TMTC1: variants seen among roughly 807,000 people sequenced by gnomAD.
The protein encoded by TMTC1 is protein O-mannosyl-transferase TMTC1.
Under a neutral mutation model 104.8 loss-of-function variants are expected in TMTC1, and 73 were observed. The observed-to-expected ratio is 0.70, with a 90% CI of 0.58 to 0.85. The LOEUF is 0.85. Among genes scored for constraint, TMTC1 ranks in the 40% least tolerant of loss-of-function variants. TMTC1 has a pLI of 0.00. For synonymous variants in TMTC1, 434 were observed against 428.7 expected (o/e 1.01, Z -0.15); for missense variants, 1,035 against 1,096.1 (o/e 0.94, Z 0.79).
At chr12:29,601,831 A>G (rs1312134750) in intron 7 of TMTC1, among the ~76,000 whole-genome samples, 2 of 151,454 alleles carry the variant, frequency 1.3e-5, no homozygotes, top group Admixed American at 6.6e-5. Flanking sequence ...TTTATATATA[A>G]TCATCTCTTT....
At chr12:29,590,561 C>T (rs752771588) in intron 7 of TMTC1, among the ~76,000 whole-genome samples, 1 of 152,116 alleles carries the variant, frequency 6.6e-6, no homozygotes, top group Non-Finnish European at 1.5e-5. Flanking sequence ...CCAAGGCGGG[C>T]AGATCAGGAG....
intron 6 of TMTC1, among the ~76,000 whole-genome samples, chr12:29,628,333 A>G (rs1438009756): frequency 1.3e-5 from 2 of 152,274 alleles, no homozygotes; most frequent in Non-Finnish European, 2.9e-5. Context: ...CATCAAGAAT[A>G]TGGTGTTAAG....
intron 9 of TMTC1, among the ~76,000 whole-genome samples, chr12:29,570,842 T>C (rs566265214): frequency 1.4e-5 from 2 of 143,616 alleles, no homozygotes; most frequent in Non-Finnish European, 3.0e-5. Flanking sequence ...AGAGACTCCG[T>C]CTCAAAACAA....
intron 7 of TMTC1, among the ~76,000 whole-genome samples, chr12:29,599,987 T>TGTATAC (rs1946516080): frequency 4.6e-5 from 5 of 109,796 alleles, no homozygotes; most frequent in African/African-American, 2.0e-4. Context: ...TGTGTGTGTG[T>TGTATAC]ATATACATAT....
rs1234703869 is a variant in TMTC1 at position 29,624,142 on chromosome 12, G to A, written c.1128+9005C>T. Among the ~76,000 whole-genome samples the A allele has an allele frequency of 3.9e-5, 6 of 151,944 alleles. No homozygotes were observed. In the East Asian group the frequency reaches 9.8e-4, roughly 25 times the overall value. ...TTACATGCACCCACCATCACGCCCA[G>A]CTACTTTTTATATTTTTAGTAAAGA... On this transcript the variant is annotated intron_variant, in intron 6 of 17. Transcript: ENST00000539277.
intron 5 of TMTC1, among the ~76,000 whole-genome samples, chr12:29,743,235 G>A (rs946921669): frequency 6.6e-6 from 1 of 152,182 alleles, no homozygotes; most frequent in African/African-American, 2.4e-5. Flanking sequence ...GGCAGAATTG[G>A]AGCCCAGGCA....
intron 5 of TMTC1, among the ~76,000 whole-genome samples, chr12:29,751,420 C>T (rs911206749): frequency 3.3e-5 from 5 of 152,164 alleles, no homozygotes; most frequent in Non-Finnish European, 5.9e-5. Flanking sequence ...CAGGGACCCA[C>T]ACCCCATCAC....
intron 5 of TMTC1, among the ~76,000 whole-genome samples, chr12:29,725,508 A>C (rs1305132129): frequency 2.0e-5 from 3 of 152,102 alleles, no homozygotes; most frequent in Admixed American, 2.0e-4. Flanking sequence ...CCTGCCAAGT[A>C]CTTAATGTGG....
intron 8 of TMTC1, 86 bp from the exon 9 acceptor site, chr12:29,572,304 C>A: frequency 1.7e-6 from 2 of 1,157,590 alleles, no homozygotes; most frequent in South Asian, 2.7e-5. Context: ...TTTCATGAAC[C>A]TGTATTTGAA....
Position 29,701,282 on chromosome 12 carries a change from G to T in TMTC1, c.938+50384C>A, listed in dbSNP as rs1288873488. On this transcript the variant is annotated intron_variant, in intron 5 of 17. Coordinates refer to ENST00000539277, the MANE Select transcript of TMTC1 (RefSeq NM_001193451.2). ...TGCTGCGGGAGTAAGATTGACTTTTGGCCCCAGCTCCTGCATCCTCGAAGT... is the reference window on the plus strand; with the variant it reads ...TGCTGCGGGAGTAAGATTGACTTTTTGCCCCAGCTCCTGCATCCTCGAAGT... Among the ~76,000 whole-genome samples, 5 of 152,190 alleles carry T rather than the reference G, an allele frequency of 3.3e-5. No homozygotes were observed. The Middle Eastern group carries it at 0.01, about 311-fold the overall frequency.
intron 5 of TMTC1, among the ~76,000 whole-genome samples, chr12:29,664,003 CG>C (rs1237326138): frequency 7.3e-5 from 11 of 151,430 alleles, no homozygotes; most frequent in African/African-American, 2.7e-4. Context: ...CCGGCTAAAA[CG>C]GTGAAACCCC....
chr12:29,536,222 A>T lies in TMTC1; in HGVS notation c.1772T>A (p.Leu591Ter). 6.2e-7 allele frequency: 1 copy of T among 1,608,008 alleles called. No homozygotes were observed. The highest frequency in any genetic ancestry group is 8.5e-7 in the Non-Finnish European group (1 of 1,174,890). Residue 591 changes from leucine (L) to a stop codon, truncating the protein, a stop_gained, in exon 11 of 18, where the codon TTA (leucine) becomes TAA (stop). Transcript: ENST00000539277. LOFTEE classifies it high-confidence loss of function. ...TGAAACAATTACCTGCTCAGCCAATAACGAAGCTAAGCTTGAATATGCATC... is the reference window on the plus strand; with the variant it reads ...TGAAACAATTACCTGCTCAGCCAATTACGAAGCTAAGCTTGAATATGCATC... The part of the protein sequence containing the change: ...FADAYSSLAS[L>*]LAEQERFKEA...
chr12:29,626,243 A>G (rs1460281841), intron 6 of TMTC1, among the ~76,000 whole-genome samples: 1 of 152,224 alleles, frequency 6.6e-6, no homozygotes, highest in African/African-American at 2.4e-5. Flanking sequence ...TCTGGTTGGC[A>G]GAAATAGGCA....
At chr12:29,690,121 C>A (rs1941222241) in intron 5 of TMTC1, among the ~76,000 whole-genome samples, 1 of 152,278 alleles carries the variant, frequency 6.6e-6, no homozygotes, top group East Asian at 1.9e-4. Flanking sequence ...GCAAAAGTAA[C>A]TACATCACAC....
chr12:29,707,621 CT>C (rs961926367), intron 5 of TMTC1, among the ~76,000 whole-genome samples: 1 of 152,182 alleles, frequency 6.6e-6, no homozygotes, highest in African/African-American at 2.4e-5. Context: ...GCACTGAAAC[CT>C]GGAGGATTTT....
intron 12 of TMTC1, chr12:29,519,659 G>T (rs1944092419): frequency 1.3e-5 from 2 of 152,112 alleles, no homozygotes; most frequent in African/African-American, 4.8e-5. Context: ...CATTTTTAGG[G>T]GTGTGGTGGG....
At chr12:29,767,833 CACGT>C in intron 2 of TMTC1, 61 bp downstream of exon 2, 1 of 1,413,040 alleles carries the variant, frequency 7.1e-7, no homozygotes, top group Non-Finnish European at 9.8e-7. Flanking sequence ...TGTGTGTATA[CACGT>C]ATACACGTAT....
chr12:29,539,862 G>C (rs1029798621), intron 10 of TMTC1, among the ~76,000 whole-genome samples: 1 of 152,114 alleles, frequency 6.6e-6, no homozygotes, highest in Non-Finnish European at 1.5e-5. Flanking sequence ...AAAAACAAGG[G>C]ACTAGCCCTA....
At chr12:29,643,700 T>TATTATATATAATATATATAATATATAAA (rs376453734) in intron 5 of TMTC1, among the ~76,000 whole-genome samples, 4 of 1,324 alleles carry the variant, frequency 3.0e-3, no homozygotes, top group Non-Finnish European at 3.7e-3. Context: ...ATTATATATA[T>TATTATATATAATATATATAATATATAAA]TATATATTAT....
Sources: allele counts gnomAD v4.1 joint callset (sites outside exome capture counted in the v4.1 genomes callset), GRCh38; gene constraint gnomAD v4.1.1; transcripts MANE v1.5; gene names NCBI Gene and HGNC (gene_info 2026-07-23, HGNC 2026-07-21).